DOCK5: variants seen among roughly 807,000 people sequenced by gnomAD.
DOCK5 encodes the protein dedicator of cytokinesis protein 5.
DOCK5 carries 142 observed loss-of-function variants against 251.8 expected under a neutral mutation model. That is an observed-to-expected ratio of 0.56 (90% CI 0.49 to 0.65). The LOEUF (loss-of-function observed/expected upper bound fraction) is 0.65. DOCK5 is among the 30% of genes least tolerant of loss of function. DOCK5 has a pLI of 0.00. For missense variants in DOCK5, 2,111 were observed against 2,312.3 expected, an observed-to-expected ratio of 0.91 and a Z score of 1.79; for synonymous variants, 842 against 835.5, an observed-to-expected ratio of 1.01 and a Z score of -0.13.
chr8:25,243,780 C>T (rs1290958916), intron 2 of DOCK5, 23 bp downstream of exon 2: 74 of 1,609,204 alleles, frequency 4.6e-5, no homozygotes, highest in Non-Finnish European at 5.9e-5. Flanking sequence ...GGCCTTCTGC[C>T]AGATGAGGGC....
In DOCK5 at chr8:25,228,172, T is replaced by A. The variant is rs541272108; in HGVS notation, c.44-15502T>A. 3.3e-4 allele frequency among the ~76,000 whole-genome samples: 50 copies of A among 152,340 alleles called. 1 individual carries two copies. The South Asian group carries it at 0.01, about 32-fold the overall frequency. On this transcript the variant is annotated intron_variant, in intron 1 of 51. Coordinates refer to ENST00000276440, the MANE Select transcript of DOCK5 (RefSeq NM_024940.8). ...GATTACAGGTGTGCGCCACCATGCC[T>A]GGCCATTTTCTGTGTTTTTGAAACA...
In DOCK5 at chr8:25,200,626, T is replaced by G. The variant is rs1323136219; in HGVS notation, c.43+15675T>G. On this transcript the variant is annotated intron_variant, in intron 1 of 51. Transcript: ENST00000276440. ...GTATGAAAGATAAAACAGTGGAAGC[T>G]CTTAGAAGAAAACATAAGAGCACAT... Among the ~76,000 whole-genome samples, 5 of 152,294 alleles carry G rather than the reference T, an allele frequency of 3.3e-5. No homozygotes were observed. In the East Asian group the frequency reaches 9.6e-4, roughly 29 times the overall value.
chr8:25,304,111 A>G (rs1804837944), intron 10 of DOCK5, 144 bp from the exon 11 acceptor site: 2 of 643,080 alleles, frequency 3.1e-6, no homozygotes, highest in Non-Finnish European at 5.0e-6. Context: ...GGGAATCACC[A>G]TTGGCAAAGA....
rs546770553 is a variant in DOCK5 at position 25,215,863 on chromosome 8, C to G, written c.44-27811C>G. 3.9e-4 allele frequency among the ~76,000 whole-genome samples: 58 copies of G among 150,138 alleles called. 1 individual carries two copies. In the South Asian group the frequency reaches 0.011, roughly 29 times the overall value. The stretch of plus-strand genomic sequence containing the variant: ...GATAGAGAAAAGGTTATTGTCATTT[C>G]TATATTAGATTATTAAAAGTAACAC... On this transcript the variant is annotated intron_variant, in intron 1 of 51. Transcript: ENST00000276440.
At chr8:25,287,535 T>G (rs1451155332) in intron 5 of DOCK5, among the ~76,000 whole-genome samples, 1 of 152,216 alleles carries the variant, frequency 6.6e-6, no homozygotes, top group African/African-American at 2.4e-5. Context: ...AGGAATATCT[T>G]TGCTATCTTG....
chr8:25,311,211 G>A (rs1586318069), intron 13 of DOCK5, among the ~76,000 whole-genome samples: 2 of 152,048 alleles, frequency 1.3e-5, no homozygotes, highest in Non-Finnish European at 1.5e-5. Flanking sequence ...TATACATATT[G>A]CTATAAACTA....
chr8:25,341,108 T>G, intron 23 of DOCK5, 120 bp downstream of exon 23: 1 of 635,706 alleles, frequency 1.6e-6, no homozygotes, highest in Non-Finnish European at 2.7e-6. Flanking sequence ...GCATAGCTTA[T>G]GAATTTTAGT....
At chr8:25,362,614 A>G (rs941180437) in intron 28 of DOCK5, among the ~76,000 whole-genome samples, 17 of 151,370 alleles carry the variant, frequency 1.1e-4, no homozygotes, top group African/African-American at 3.6e-4. Context: ...CTACAGGCAT[A>G]CACCACCATG....
intron 2 of DOCK5, among the ~76,000 whole-genome samples, chr8:25,251,591 A>G (rs1316680162): frequency 1.3e-5 from 2 of 152,198 alleles, no homozygotes; most frequent in African/African-American, 2.4e-5. Flanking sequence ...TTTATAAAGC[A>G]GGCCTTTGTG....
intron 23 of DOCK5, among the ~76,000 whole-genome samples, chr8:25,341,497 A>G (rs1805954192): frequency 6.6e-6 from 1 of 152,176 alleles, no homozygotes; most frequent in African/African-American, 2.4e-5. Flanking sequence ...AGAGAAATGA[A>G]CTCCAAGTGG....
intron 3 of DOCK5, among the ~76,000 whole-genome samples, chr8:25,272,634 GCCCAGCGCCTCCGCAA>G (rs1345312252): frequency 3.9e-5 from 6 of 152,100 alleles, no homozygotes; most frequent in Non-Finnish European, 8.8e-5. Flanking sequence ...GTTTATCCGT[GCCCAGCGCCTCCGCAA>G]CCCCACTCCT....
chr8:25,210,036 A>ATG lies in DOCK5; in HGVS notation c.43+25117_43+25118dup, dbSNP rs780570238. Among the ~76,000 whole-genome samples, 37 of 31,662 alleles carry ATG rather than the reference A, an allele frequency of 1.2e-3. 11 individuals carry two copies. The highest frequency in any genetic ancestry group is 0.01 in the East Asian group (17 of 1,636). The allele number at this position is 31,662 out of a possible 152,430, so 20.8% of individuals were successfully genotyped here. A position where few individuals can be genotyped will look rare whatever the true frequency, so the allele number is the denominator to read the frequency against. On this transcript the variant is annotated intron_variant, in intron 1 of 51. Transcript: ENST00000276440. ...TATATATATATATATATATATATAA[A>ATG]TGTGTGTGTGTGTGTGTGTGTGTGT...
chr8:25,400,058 A>G, intron 46 of DOCK5, 64 bp downstream of exon 46: 1 of 1,351,056 alleles, frequency 7.4e-7, no homozygotes. Flanking sequence ...ATTATTCTCC[A>G]GGGCTTAAGT....
At chr8:25,189,027 T>C (rs571450492) in intron 1 of DOCK5, among the ~76,000 whole-genome samples, 1 of 142,592 alleles carries the variant, frequency 7.0e-6, no homozygotes, top group Admixed American at 7.8e-5. Flanking sequence ...TTTTTTTCTT[T>C]TCTTTTCTTT....
intron 1 of DOCK5, among the ~76,000 whole-genome samples, chr8:25,193,983 G>A (rs1379210024): frequency 1.3e-5 from 2 of 151,934 alleles, no homozygotes; most frequent in African/African-American, 2.4e-5. Flanking sequence ...ATCTACTGTA[G>A]TTTCACAAAA....
chr8:25,365,819 T>G (rs1270052022), intron 30 of DOCK5, among the ~76,000 whole-genome samples: 2 of 152,168 alleles, frequency 1.3e-5, no homozygotes, highest in Non-Finnish European at 2.9e-5. Flanking sequence ...GTGCCCTGCC[T>G]CCAGGCCCTG....
intron 26 of DOCK5, among the ~76,000 whole-genome samples, chr8:25,349,795 AG>A (rs955500382): frequency 2.4e-4 from 36 of 152,230 alleles, no homozygotes; most frequent in African/African-American, 7.5e-4. Context: ...GAGCGATAAA[AG>A]ACTACGCATT....
chr8:25,289,656 A>G (rs1804436222), intron 5 of DOCK5, among the ~76,000 whole-genome samples: 1 of 151,716 alleles, frequency 6.6e-6, no homozygotes, highest in Non-Finnish European at 1.5e-5. Flanking sequence ...CAGCCTGACC[A>G]ACATGGAGAA....
intron 50 of DOCK5, chr8:25,409,887 C>T: frequency 2.1e-6 from 1 of 472,774 alleles, no homozygotes; most frequent in Non-Finnish European, 3.7e-6. Context: ...TGCTTCAGAA[C>T]ACCTTGTGGA....
Sources: gnomAD v4.1 joint callset for allele counts (sites outside exome capture counted in the v4.1 genomes callset) on GRCh38, gnomAD v4.1.1 for gene constraint, MANE v1.5 for transcripts, NCBI Gene and HGNC (gene_info 2026-07-23, HGNC 2026-07-21) for gene names.